The following CEP152 variants were observed in gnomAD, a reference collection of about 807,000 sequenced individuals.
The protein encoded by CEP152 is centrosomal protein of 152 kDa.
A neutral mutation model predicts 188.9 loss-of-function variants in CEP152; 132 were observed. The observed-to-expected ratio is 0.70, with a 90% CI of 0.61 to 0.81. The LOEUF is 0.81. Ranked by LOEUF, CEP152 falls within the 30% of genes least tolerant of loss-of-function variation. The pLI is 0.00. For synonymous variants in CEP152, 649 were observed against 666.6 expected, an observed-to-expected ratio of 0.97 and a Z score of 0.41; for missense variants, 1,914 against 1,969.8, an observed-to-expected ratio of 0.97 and a Z score of 0.54.
intron 2 of CEP152, among the ~76,000 whole-genome samples, chr15:48,802,874 G>T (rs892171539): frequency 6.6e-6 from 1 of 152,182 alleles, no homozygotes; most frequent in African/African-American, 2.4e-5. Flanking sequence ...TATTCATTGG[G>T]ATATGGGCCC....
intron 26 of CEP152, among the ~76,000 whole-genome samples, chr15:48,740,078 T>C (rs1333897378): frequency 2.6e-5 from 4 of 152,186 alleles, no homozygotes; most frequent in African/African-American, 7.2e-5. Context: ...CCCACTGATA[T>C]GTTAAAAATC....
At chr15:48,805,533 C>G in intron 2 of CEP152, 30 bp downstream of exon 2, 1 of 1,463,212 alleles carries the variant, frequency 6.8e-7, no homozygotes. Flanking sequence ...GGTTTAGTGT[C>G]TCTTTTTTTT....
Position 48,738,144 on chromosome 15 carries a change from T to G in CEP152, c.*105A>C, listed in dbSNP as rs566571581. ...GCTTTACTTATATAACAGATGTTAT[T>G]AAAACATCTCAAAAGAGGCAGGGCT... On this transcript the variant is annotated 3_prime_UTR_variant, in exon 27 of 27. Coordinates refer to ENST00000380950, the MANE Select transcript of CEP152 (RefSeq NM_001194998.2). 8.6e-7 allele frequency: 1 copy of G among 1,163,140 alleles called. No homozygotes were observed. Among genetic ancestry groups the G allele is most frequent in the South Asian group, 1.6e-5 (1 of 62,084 alleles). 72.1% of individuals were successfully genotyped at this position (1,163,140 alleles called of 1,614,324 possible). A position where few individuals can be genotyped will look rare whatever the true frequency, so the allele number is the denominator to read the frequency against.
chr15:48,765,894 C>T (rs1895050568), intron 17 of CEP152, among the ~76,000 whole-genome samples: 1 of 151,862 alleles, frequency 6.6e-6, no homozygotes, highest in Non-Finnish European at 1.5e-5. Flanking sequence ...CCTCGTGATC[C>T]GCCCGTCTCG....
chr15:48,798,131 T>A, intron 2 of CEP152, 80 bp from the exon 3 acceptor site: 2 of 1,097,416 alleles, frequency 1.8e-6, no homozygotes, highest in East Asian at 2.4e-5. Flanking sequence ...AACGAGTGGT[T>A]TTTTACTGTA....
Position 48,738,806 on chromosome 15 carries a change from C to T in CEP152, c.4576G>A (p.Asp1526Asn), listed in dbSNP as rs577236018. The T allele has an allele frequency of 3.1e-6, 5 of 1,614,120 alleles. No homozygotes were observed. In the South Asian group the frequency reaches 4.4e-5, roughly 14 times the overall value. The change falls in exon 27 of 27, where the codon GAT becomes AAT. Residue 1526 changes from aspartate (D) to asparagine (N), a missense_variant. By Grantham distance (23) the Asp-to-Asn change is conservative (BLOSUM62 1). Coordinates refer to ENST00000380950, the MANE Select transcript of CEP152 (RefSeq NM_001194998.2). ...ESGCMHITFR[D>N]SNERLGLKVY... Reference sequence around the variant, plus strand: ...TTTAAACCAAGTCTTTCATTAGAATCGCGAAAGGTTATATGCATGCATCCT... The same window carrying T: ...TTTAAACCAAGTCTTTCATTAGAATTGCGAAAGGTTATATGCATGCATCCT...
chr15:48,740,183 T>C (rs1405552292), intron 26 of CEP152, among the ~76,000 whole-genome samples: 2 of 152,246 alleles, frequency 1.3e-5, no homozygotes, highest in Non-Finnish European at 2.9e-5. Flanking sequence ...AGAAAACAAT[T>C]ACAGTTTCTT....
At chr15:48,810,249 A>G (rs1898242715) in intron 1 of CEP152, 1 of 152,258 alleles carries the variant, frequency 6.6e-6, no homozygotes, top group Non-Finnish European at 1.5e-5. Context: ...CTAGAATGGA[A>G]ATAGCCAGAG....
intron 22 of CEP152, among the ~76,000 whole-genome samples, chr15:48,745,341 TG>T (rs1893322454): frequency 6.6e-6 from 1 of 152,166 alleles, no homozygotes; most frequent in Non-Finnish European, 1.5e-5. Flanking sequence ...AGACAGTTTA[TG>T]CTCATATAAA....
rs563400208 is a variant in CEP152 at position 48,791,043 on chromosome 15, A to G, written c.972+194T>C. On this transcript the variant is annotated intron_variant, in intron 8 of 26. Coordinates refer to ENST00000380950, the MANE Select transcript of CEP152 (RefSeq NM_001194998.2). ...TAAAAAACAGTTCTCCAAATGGAGA[A>G]GCAGCAGGAAAAATAAAAATAAAAG... Among the ~76,000 whole-genome samples the G allele has an allele frequency of 5.3e-5, 8 of 152,366 alleles. No individual in the cohort carries two copies. The South Asian group carries it at 1.7e-3, about 32-fold the overall frequency.
chr15:48,781,425 T>C (rs1024038005), intron 11 of CEP152, 66 bp from the exon 12 acceptor site: 1 of 1,382,374 alleles, frequency 7.2e-7, no homozygotes, highest in Non-Finnish European at 1.0e-6. Flanking sequence ...AGTCATTCTG[T>C]TTCAAAATTT....
At chr15:48,782,695 T>A (rs908333571) in intron 10 of CEP152, among the ~76,000 whole-genome samples, 1 of 152,208 alleles carries the variant, frequency 6.6e-6, no homozygotes, top group Admixed American at 6.5e-5. Context: ...ATTAGGGTTA[T>A]AATTCTGAAA....
rs774120199 is a variant in CEP152, at chr15:48,760,219, T to G, written c.2610A>C (p.Leu870=). The G allele has an allele frequency of 1.2e-6, 2 of 1,614,120 alleles. No individual in the cohort carries two copies. Among genetic ancestry groups the G allele is most frequent in the South Asian group, 2.2e-5 (2 of 91,084 alleles). Reference sequence around the variant, plus strand: ...GTGCTTGATACTCTGCCAGCTCTGGTAGTTCTCCCAGCCATCGCTGATGAG... The same window carrying G: ...GTGCTTGATACTCTGCCAGCTCTGGGAGTTCTCCCAGCCATCGCTGATGAG... ...QNAHQRWLGE[L]PELAEYQALV... The change falls in exon 19 of 27, where the codon CTA becomes CTC. Residue 870 remains leucine, a synonymous_variant. Transcript: ENST00000380950.
At chr15:48,740,970 T>C in intron 26 of CEP152, 1 of 936,916 alleles carries the variant, frequency 1.1e-6, no homozygotes. Context: ...CCTCTATTTC[T>C]CCTGGAACAT....
At chr15:48,778,370 A>T (rs1203162013) in intron 12 of CEP152, among the ~76,000 whole-genome samples, 1 of 152,162 alleles carries the variant, frequency 6.6e-6, no homozygotes, top group Admixed American at 6.5e-5. Flanking sequence ...GAAAGAGACA[A>T]ATATCTTCTC....
chr15:48,749,791 A>C (rs971034679), intron 21 of CEP152, among the ~76,000 whole-genome samples: 14 of 152,110 alleles, frequency 9.2e-5, no homozygotes, highest in Admixed American at 5.9e-4. Context: ...GATACATTAC[A>C]ACTAAATGTA....
rs577752924 is a variant in CEP152 at position 48,796,157 on chromosome 15, G to C, written c.544C>G (p.Pro182Ala). 7.4e-6 allele frequency: 12 copies of C among 1,613,468 alleles called. No individual in the cohort carries two copies. The Admixed American group carries it at 2.0e-4, about 27-fold the overall frequency. The change falls in exon 6 of 27, where the codon CCC becomes GCC. Residue 182 changes from proline (P) to alanine (A), a missense_variant. By Grantham distance (27) the Pro-to-Ala change is conservative. Transcript: ENST00000380950. ...SDPQWNHFQG[P>A]SCQGLEPYNK... The stretch of plus-strand genomic sequence containing the variant: ...TACGGTTCCAAACCTTGACAACTGG[G>C]ACCCTGTGATAACAAATGAAACTGA...
rs368705921 is a variant in CEP152, at chr15:48,797,667, A to C, written c.255T>G (p.Ser85Arg). 318 of 1,613,960 alleles carry C rather than the reference A, an allele frequency of 2.0e-4. No individual in the cohort carries two copies. Among genetic ancestry groups the C allele is most frequent in the Non-Finnish European group, 2.6e-4 (310 of 1,180,000 alleles). Residue 85 changes from serine (S) to arginine (R), a missense_variant, in exon 4 of 27, where the codon AGT becomes AGG. By Grantham distance (110) the Ser-to-Arg change is moderately radical. Coordinates refer to ENST00000380950, the MANE Select transcript of CEP152 (RefSeq NM_001194998.2). ...CATCACACCAGATACTTACATTTAC[A>C]CTTTGAGATTTGGGCAGCATTTGCT... ...WNEQMLPKSQ[S>R]VNGYNEIQSL...
downstream of CEP152, among the ~76,000 whole-genome samples, chr15:48,736,203 C>T (rs377311223): frequency 3.3e-5 from 5 of 152,280 alleles, no homozygotes; most frequent in East Asian, 7.7e-4. Context: ...CTAGTAAACT[C>T]CATCCAATAT....
Sources: allele counts gnomAD v4.1 joint callset (sites outside exome capture counted in the v4.1 genomes callset), GRCh38; gene constraint gnomAD v4.1.1; transcripts MANE v1.5; gene names NCBI Gene and HGNC (gene_info 2026-07-23, HGNC 2026-07-21).